DAP3: variants seen among roughly 807,000 people sequenced by gnomAD.
DAP3 encodes the protein small ribosomal subunit protein mS29.
A neutral mutation model predicts 51.9 loss-of-function variants in DAP3; 28 were observed. The ratio of observed to expected loss-of-function variants is 0.54; its 90% CI spans 0.40 to 0.74. The LOEUF (loss-of-function observed/expected upper bound fraction) is 0.74. Among genes scored for constraint, DAP3 ranks in the 30% least tolerant of loss-of-function variants. DAP3 has a pLI of 0.00. For missense variants in DAP3, 458 were observed against 483.5 expected, an observed-to-expected ratio of 0.95 and a Z score of 0.49; for synonymous variants, 170 against 170.3, an observed-to-expected ratio of 1.00 and a Z score of 0.01.
chr1:155,693,699 C>T lies in DAP3; in HGVS notation c.-8+4525C>T, dbSNP rs1481467477. On this transcript the variant is annotated intron_variant, in intron 1 of 12. Coordinates refer to ENST00000368336, the MANE Select transcript of DAP3 (RefSeq NM_004632.4). ...AATCCTGGCCGGGAGTGGTGGCTCA[C>T]GCCTGTAATCCCAGCACTTTGGGAG... Among the ~76,000 whole-genome samples, 6 of 141,976 alleles carry T rather than the reference C, an allele frequency of 4.2e-5. 1 individual carries two copies. Among genetic ancestry groups the T allele is most frequent in the East Asian group, 1.9e-4 (1 of 5,190 alleles). 93.1% of individuals were successfully genotyped at this position (141,976 alleles called of 152,430 possible). A position where few individuals can be genotyped will look rare whatever the true frequency, so the allele number is the denominator to read the frequency against.
In DAP3 at chr1:155,711,816, G is replaced by T. The variant is rs1416929038; in HGVS notation, c.45+1992G>T. 2.0e-5 allele frequency among the ~76,000 whole-genome samples: 3 copies of T among 151,122 alleles called. No homozygotes were observed. The East Asian group carries it at 5.8e-4, about 29-fold the overall frequency. On this transcript the variant is annotated intron_variant, in intron 2 of 12. Coordinates refer to ENST00000368336, the MANE Select transcript of DAP3 (RefSeq NM_004632.4). ...GCTGACAGTGCAGTCTTCAGTCTGT[G>T]GCTAAAGGCCTGAGAGCCCCTGGCA...
intron 1 of DAP3, among the ~76,000 whole-genome samples, chr1:155,690,188 T>C (rs1277699709): frequency 2.1e-5 from 3 of 141,558 alleles, no homozygotes; most frequent in Non-Finnish European, 4.4e-5. Flanking sequence ...GAGTAGGTAA[T>C]GTCGGTGATA....
chr1:155,703,884 G>A (rs865895681), intron 1 of DAP3, among the ~76,000 whole-genome samples: 16 of 151,750 alleles, frequency 1.1e-4, no homozygotes, highest in Non-Finnish European at 1.3e-4. Flanking sequence ...ATAGTGGCTC[G>A]CGCCTGCAAT....
At chr1:155,688,582 CG>C, upstream of DAP3, 1 of 1,536,848 alleles carries the variant, frequency 6.5e-7, no homozygotes, top group Non-Finnish European at 8.7e-7. Context: ...CGCTCACCCA[CG>C]GGAACCTCCT....
At chr1:155,695,403 C>A (rs1265117877) in intron 1 of DAP3, among the ~76,000 whole-genome samples, 2 of 152,150 alleles carry the variant, frequency 1.3e-5, no homozygotes, top group African/African-American at 4.8e-5. Context: ...ATGTCCTTGG[C>A]CTGTTTCCAC....
At chr1:155,702,159 A>T (rs1655371957) in intron 1 of DAP3, among the ~76,000 whole-genome samples, 1 of 147,158 alleles carries the variant, frequency 6.8e-6, no homozygotes, top group Admixed American at 6.6e-5. Context: ...TATAAAAAAA[A>T]AAAAAAAAAA....
chr1:155,729,056 G>T lies in DAP3; in HGVS notation c.618G>T (p.Glu206Asp). The T allele has an allele frequency of 6.2e-7, 1 of 1,613,766 alleles. No individual in the cohort carries two copies. The highest frequency in any genetic ancestry group is 8.5e-7 in the Non-Finnish European group (1 of 1,179,966). The change falls in exon 8 of 13, where the codon GAG becomes GAT. Residue 206 changes from glutamate (E) to aspartate (D), a missense_variant. By Grantham distance (45) the Glu-to-Asp change is conservative. Transcript: ENST00000368336. The part of the protein sequence containing the change: ...ERFLNQIKVQ[E>D]KYVWNKREST... ...CTTGCTTTTAGATAAAAGTTCAAGA[G>T]AAGTATGTCTGGAATAAGAGAGAAA...
chr1:155,703,683 G>GC (rs370849671), intron 1 of DAP3, among the ~76,000 whole-genome samples: 2,737 of 152,166 alleles, frequency 0.018, 80 homozygotes, highest in African/African-American at 0.061. Flanking sequence ...GACTACAGGC[G>GC]CCCGCCACCA....
chr1:155,688,758 C>CA (rs1167446423), upstream of DAP3: 1 of 1,522,674 alleles, frequency 6.6e-7, no homozygotes, highest in Non-Finnish European at 8.8e-7. Flanking sequence ...CAGCCGCCGC[C>CA]AGCACCCCCA....
At chr1:155,736,774 T>C in intron 11 of DAP3, 172 bp from the exon 12 acceptor site, 2 of 640,420 alleles carry the variant, frequency 3.1e-6, no homozygotes, top group South Asian at 3.4e-5. Flanking sequence ...CCAGCCACCA[T>C]ATGTGGAGTC....
chr1:155,720,509 A>G (rs1202535443), intron 3 of DAP3, among the ~76,000 whole-genome samples: 3 of 151,812 alleles, frequency 2.0e-5, no homozygotes, highest in East Asian at 1.9e-4. Flanking sequence ...TTAGCCAGGC[A>G]TGGTGGCACA....
intron 4 of DAP3, among the ~76,000 whole-genome samples, chr1:155,724,234 G>T (rs1658317072): frequency 6.6e-6 from 1 of 152,134 alleles, no homozygotes; most frequent in Non-Finnish European, 1.5e-5. Context: ...TATGCTGGAG[G>T]TATGAGGTAT....
Position 155,732,042 on chromosome 1 carries a change from A to G in DAP3, c.993+9A>G. On this transcript the variant is annotated intron_variant, in intron 11 of 12. Coordinates refer to ENST00000368336, the MANE Select transcript of DAP3 (RefSeq NM_004632.4). ...AGGAGTTGCTGGGAAAGGTCAAGTC[A>G]AAGGAAAATTTGTTTCTACTTAGAT... The G allele has an allele frequency of 6.2e-7, 1 of 1,602,102 alleles. No individual in the cohort carries two copies. Among genetic ancestry groups the G allele is most frequent in the Non-Finnish European group, 8.5e-7 (1 of 1,174,610 alleles).
At chr1:155,711,585 T>TG (rs953624991) in intron 2 of DAP3, among the ~76,000 whole-genome samples, 7 of 149,760 alleles carry the variant, frequency 4.7e-5, no homozygotes, top group African/African-American at 7.3e-5. Context: ...AAAGTTTTGT[T>TG]TTTTTTTTTT....
At chr1:155,697,317 T>C (rs1228783170) in intron 1 of DAP3, among the ~76,000 whole-genome samples, 1 of 152,180 alleles carries the variant, frequency 6.6e-6, no homozygotes, top group Non-Finnish European at 1.5e-5. Context: ...AGCTGCGGGC[T>C]GAACAATTTT....
chr1:155,735,538 T>C (rs1659686473), intron 11 of DAP3, among the ~76,000 whole-genome samples: 1 of 151,782 alleles, frequency 6.6e-6, no homozygotes, highest in Non-Finnish European at 1.5e-5. Flanking sequence ...GATCGTGCCA[T>C]TGCACTCTAG....
chr1:155,734,699 T>C (rs1232037164), intron 11 of DAP3, among the ~76,000 whole-genome samples: 1 of 151,964 alleles, frequency 6.6e-6, no homozygotes, highest in Non-Finnish European at 1.5e-5. Context: ...CATAAATAGA[T>C]GTACATACAT....
At chr1:155,724,652 AAATC>A (rs1246018356) in intron 4 of DAP3, among the ~76,000 whole-genome samples, 2 of 142,442 alleles carry the variant, frequency 1.4e-5, no homozygotes, top group Admixed American at 7.0e-5. Context: ...AAAAAAAAAA[AAATC>A]AACTAAAAAT....
intron 12 of DAP3, among the ~76,000 whole-genome samples, 198 bp from the exon 13 acceptor site, chr1:155,737,959 G>A (rs912202939): frequency 6.6e-6 from 1 of 152,162 alleles, no homozygotes; most frequent in Non-Finnish European, 1.5e-5. Context: ...GTTTGGAGGA[G>A]TAGACACAGA....
Sources: gnomAD v4.1 joint callset for allele counts (sites outside exome capture counted in the v4.1 genomes callset) on GRCh38, gnomAD v4.1.1 for gene constraint, MANE v1.5 for transcripts, NCBI Gene and HGNC (gene_info 2026-07-23, HGNC 2026-07-21) for gene names.